Variants in LRRC28 observed in about 807,000 individuals in gnomAD.
The protein encoded by LRRC28 is leucine-rich repeat-containing protein 28.
LRRC28 carries 39 observed loss-of-function variants against 45.7 expected under a neutral mutation model. That is an observed-to-expected ratio of 0.85 (90% CI 0.66 to 1.12). The LOEUF is 1.12. Ranked by LOEUF, LRRC28 falls within the 50% of genes most tolerant of loss-of-function variation. The pLI is 0.00. For synonymous variants in LRRC28, 206 were observed against 178.8 expected, an observed-to-expected ratio of 1.15 and a Z score of -1.22; for missense variants, 435 against 438.5, an observed-to-expected ratio of 0.99 and a Z score of 0.07.
intron 2 of LRRC28, among the ~76,000 whole-genome samples, chr15:99,266,816 A>G (rs888749465): frequency 6.6e-6 from 1 of 152,350 alleles, no homozygotes; most frequent in East Asian, 1.9e-4. Flanking sequence ...TACGCAAATG[A>G]CATGTATTAT....
At chr15:99,330,257 G>A (rs1956118586) in intron 5 of LRRC28, among the ~76,000 whole-genome samples, 1 of 152,008 alleles carries the variant, frequency 6.6e-6, no homozygotes, top group Non-Finnish European at 1.5e-5. Flanking sequence ...AGCCCATTTG[G>A]TTGATTGTGT....
intron 3 of LRRC28, among the ~76,000 whole-genome samples, chr15:99,278,778 C>T (rs928152198): frequency 3.3e-5 from 5 of 152,200 alleles, no homozygotes; most frequent in African/African-American, 1.2e-4. Context: ...TAGCTGGGTG[C>T]CTTTGCCTCC....
intron 6 of LRRC28, among the ~76,000 whole-genome samples, chr15:99,336,812 A>C (rs542694241): frequency 6.6e-6 from 1 of 151,678 alleles, no homozygotes; most frequent in African/African-American, 2.4e-5. Flanking sequence ...CTTCAGCAGA[A>C]CTCCTGGTTC....
chr15:99,293,594 A>C (rs201994559), intron 5 of LRRC28, among the ~76,000 whole-genome samples: 2,319 of 34,532 alleles, frequency 0.067, 24 homozygotes, highest in African/African-American at 0.18. Context: ...ACTCTGTCAC[A>C]AAAAAAAAAA....
At chr15:99,363,347 C>T (rs1039131420) in intron 9 of LRRC28, 82 bp downstream of exon 9, 26 of 1,477,986 alleles carry the variant, frequency 1.8e-5, no homozygotes, top group Non-Finnish European at 2.1e-5. Context: ...TGCATGAAAG[C>T]ATTAAGTCAG....
At chr15:99,292,507 G>T (rs1296636974) in intron 5 of LRRC28, among the ~76,000 whole-genome samples, 1 of 151,632 alleles carries the variant, frequency 6.6e-6, no homozygotes, top group Non-Finnish European at 1.5e-5. Context: ...TGGGACTACA[G>T]GCGCCCGCCA....
intron 5 of LRRC28, among the ~76,000 whole-genome samples, chr15:99,317,845 T>C (rs1199785403): frequency 6.6e-6 from 1 of 152,202 alleles, no homozygotes; most frequent in African/African-American, 2.4e-5. Context: ...TCCATAAACA[T>C]ACAAGTTTTA....
At chr15:99,321,180 G>T (rs1955782474) in intron 5 of LRRC28, among the ~76,000 whole-genome samples, 2 of 152,126 alleles carry the variant, frequency 1.3e-5, no homozygotes, top group African/African-American at 4.8e-5. Flanking sequence ...TCTATATCAA[G>T]ATCTTAAGGG....
chr15:99,296,072 T>C (rs79925852), intron 5 of LRRC28, among the ~76,000 whole-genome samples: 2,799 of 152,292 alleles, frequency 0.018, 144 homozygotes, highest in East Asian at 0.17. Context: ...CAGAGCCTGG[T>C]CCTCTAGGGC....
At chr15:99,259,686 A>G in intron 2 of LRRC28, 1 of 1,383,828 alleles carries the variant, frequency 7.2e-7, no homozygotes, top group Admixed American at 1.7e-5. Context: ...AATCCCAGAC[A>G]TCCGCTGATC....
At chr15:99,342,500 G>A (rs1019250558) in intron 6 of LRRC28, among the ~76,000 whole-genome samples, 11 of 152,200 alleles carry the variant, frequency 7.2e-5, no homozygotes, top group African/African-American at 2.2e-4. Context: ...TTCATAGCAC[G>A]ATTGTGAGAA....
At position 99,255,905 on chromosome 15, in the gene LRRC28, C is replaced by A. The variant is rs571365526; in HGVS notation, c.-53C>A. 4 of 1,519,992 alleles carry A rather than the reference C, an allele frequency of 2.6e-6. No homozygotes were observed. The highest frequency in any genetic ancestry group is 4.7e-5 in the East Asian group (2 of 42,864). 94.2% of individuals were successfully genotyped at this position (1,519,992 alleles called of 1,614,324 possible). A position where few individuals can be genotyped will look rare whatever the true frequency, so the allele number is the denominator to read the frequency against. The stretch of plus-strand genomic sequence containing the variant: ...TTCTCGTTCTCTTTATAGAAATGGA[C>A]CAATTTTGACAAGATATAGTGCTGC... On this transcript the variant is annotated 5_prime_UTR_variant, in exon 2 of 10. Transcript: ENST00000301981.
chr15:99,254,473 GA>G (rs1456085839), intron 1 of LRRC28, among the ~76,000 whole-genome samples: 1 of 151,956 alleles, frequency 6.6e-6, no homozygotes, highest in African/African-American at 2.4e-5. Flanking sequence ...CTTTCCTTAA[GA>G]AAAAAAATTA....
At chr15:99,386,002 GTTC>G in intron 9 of LRRC28, 25 bp from the exon 10 acceptor site, 2 of 1,602,442 alleles carry the variant, frequency 1.2e-6, no homozygotes, top group Non-Finnish European at 1.7e-6. Context: ...AACTCACAGC[GTTC>G]TTCTCTCCCT....
intron 5 of LRRC28, among the ~76,000 whole-genome samples, chr15:99,294,904 C>T (rs1328406413): frequency 6.6e-6 from 1 of 152,208 alleles, no homozygotes; most frequent in African/African-American, 2.4e-5. Context: ...TATTCCTCTT[C>T]AGGTCTGCAG....
chr15:99,314,836 A>G (rs1955539897), intron 5 of LRRC28, among the ~76,000 whole-genome samples: 2 of 152,206 alleles, frequency 1.3e-5, no homozygotes, highest in South Asian at 2.1e-4. Flanking sequence ...ACATACAGAA[A>G]TCTTTCTGGT....
chr15:99,276,405 A>T (rs556835918), intron 2 of LRRC28, among the ~76,000 whole-genome samples, 171 bp from the exon 3 acceptor site: 3 of 152,158 alleles, frequency 2.0e-5, no homozygotes, highest in South Asian at 2.1e-4. Context: ...TTATAAATTT[A>T]AATTGTAGTA....
intron 5 of LRRC28, among the ~76,000 whole-genome samples, chr15:99,324,899 G>A (rs12438814): frequency 3.3e-5 from 5 of 151,752 alleles, no homozygotes; most frequent in African/African-American, 7.3e-5. Flanking sequence ...TCTGTGTCAG[G>A]AATACAACAT....
At chr15:99,283,260 T>C (rs1298989746) in intron 3 of LRRC28, among the ~76,000 whole-genome samples, 1 of 152,004 alleles carries the variant, frequency 6.6e-6, no homozygotes, top group Non-Finnish European at 1.5e-5. Context: ...GTTATAAACA[T>C]AGTATGGGTC....
Sources: gnomAD v4.1 joint callset for allele counts (sites outside exome capture counted in the v4.1 genomes callset) on GRCh38, gnomAD v4.1.1 for gene constraint, MANE v1.5 for transcripts, NCBI Gene and HGNC (gene_info 2026-07-23, HGNC 2026-07-21) for gene names.